The following CHD6 variants were observed in gnomAD, a reference collection of about 807,000 sequenced individuals.
CHD6 encodes the protein ATP-dependent chromatin remodeler CHD6.
CHD6 carries 50 observed loss-of-function variants against 276.9 expected under a neutral mutation model. That is an observed-to-expected ratio of 0.18 (90% CI 0.14 to 0.23). CHD6 has a LOEUF of 0.23. CHD6 is among the 10% of genes least tolerant of loss of function. The pLI, the probability that CHD6 is intolerant of heterozygous loss-of-function variation, is 1.00. For synonymous variants in CHD6, 1,173 were observed against 1,229.3 expected, an observed-to-expected ratio of 0.95 and a Z score of 0.96; for missense variants, 2,564 against 3,365.8, an observed-to-expected ratio of 0.76 and a Z score of 5.89.
chr20:41,573,741 T>A (rs767277372), intron 1 of CHD6, among the ~76,000 whole-genome samples: 4 of 152,146 alleles, frequency 2.6e-5, no homozygotes, highest in African/African-American at 9.7e-5. Flanking sequence ...AGAGACTGTA[T>A]AATATCAATG....
chr20:41,579,437 C>CAAAAAAAAAAAAAAAAAAAA (rs574347177), intron 1 of CHD6, among the ~76,000 whole-genome samples: 1 of 69,974 alleles, frequency 1.4e-5, no homozygotes, highest in African/African-American at 6.2e-5. Flanking sequence ...GACTCTGTCT[C>CAAAAAAAAAAAAAAAAAAAA]AAAAAAAAAA....
intron 1 of CHD6, among the ~76,000 whole-genome samples, chr20:41,571,740 C>G (rs906903300): frequency 2.6e-5 from 4 of 151,846 alleles, no homozygotes; most frequent in Non-Finnish European, 4.4e-5. Context: ...TATATTTCCT[C>G]TATTCTAGAC....
At chr20:41,509,370 C>T (rs1465595269) in intron 5 of CHD6, among the ~76,000 whole-genome samples, 3 of 152,140 alleles carry the variant, frequency 2.0e-5, no homozygotes, top group Admixed American at 2.0e-4. Context: ...CCTACACTAA[C>T]ATAACTCATG....
chr20:41,416,536 G>A, intron 33 of CHD6, 52 bp downstream of exon 33: 1 of 1,514,210 alleles, frequency 6.6e-7, no homozygotes. Context: ...CAGAGACGTG[G>A]AACACGCCCA....
At chr20:41,412,566 A>T (rs1002516392) in intron 35 of CHD6, among the ~76,000 whole-genome samples, 9 of 152,102 alleles carry the variant, frequency 5.9e-5, no homozygotes, top group Non-Finnish European at 2.9e-5. Context: ...TTTCCTCTTG[A>T]TCATTTCCTT....
intron 20 of CHD6, 144 bp downstream of exon 20, chr20:41,454,482 G>A (rs1186728222): frequency 1.2e-5 from 7 of 602,052 alleles, no homozygotes; most frequent in South Asian, 2.3e-5. Flanking sequence ...TGATGTCTAT[G>A]TGCCAGGCAT....
Position 41,421,280 on chromosome 20 carries a change from T to C in CHD6, c.5355A>G (p.Ser1785=). ...KNGKHLLMSI[S]KEGELCCSEA... is the part of the protein sequence containing the mutation. ...CACTGCAGCAGAGCTCCCCTTCCTT[T>C]GAAATAGACATCAACAAATGTTTTC... is the stretch of plus-strand genomic sequence containing the variant. The change falls in exon 31 of 37, where the codon TCA becomes TCG. Residue 1785 remains serine (S), a synonymous_variant. Transcript: ENST00000373233. 1.2e-6 allele frequency: 2 copies of C among 1,614,142 alleles called. No homozygotes were observed. The highest frequency in any genetic ancestry group is 1.7e-6 in the Non-Finnish European group (2 of 1,180,040).
chr20:41,571,112 C>G (rs1005716231), intron 1 of CHD6, among the ~76,000 whole-genome samples: 9 of 152,048 alleles, frequency 5.9e-5, no homozygotes, highest in Non-Finnish European at 8.8e-5. Context: ...GATTCCAAAT[C>G]TCTTAGTGAA....
intron 1 of CHD6, among the ~76,000 whole-genome samples, chr20:41,583,766 A>G (rs140705065): frequency 2.6e-5 from 4 of 152,198 alleles, no homozygotes; most frequent in African/African-American, 9.6e-5. Context: ...AAAACTGGAA[A>G]TATACTGTAT....
At chr20:41,514,169 C>T (rs1416830950) in intron 4 of CHD6, among the ~76,000 whole-genome samples, 1 of 152,198 alleles carries the variant, frequency 6.6e-6, no homozygotes, top group Non-Finnish European at 1.5e-5. Context: ...AGGTATAGTA[C>T]GTCAGTCTTA....
chr20:41,617,929 G>A (rs1020531252), intron 1 of CHD6, among the ~76,000 whole-genome samples: 5 of 146,942 alleles, frequency 3.4e-5, no homozygotes, highest in African/African-American at 4.9e-5. Context: ...GGGCCCGGGG[G>A]TCCCACCGCG....
intron 1 of CHD6, 132 bp from the exon 2 acceptor site, chr20:41,551,492 A>C: frequency 1.8e-6 from 1 of 560,554 alleles, no homozygotes; most frequent in South Asian, 2.1e-5. Flanking sequence ...TATGTCCAAC[A>C]ACCTCCAGAG....
chr20:41,603,626 G>A (rs2045795740), intron 1 of CHD6, among the ~76,000 whole-genome samples: 1 of 152,172 alleles, frequency 6.6e-6, no homozygotes, highest in Admixed American at 6.5e-5. Context: ...AGCACTTTGG[G>A]AGGCCAAGGC....
intron 1 of CHD6, among the ~76,000 whole-genome samples, chr20:41,598,440 C>T (rs547747912): frequency 5.1e-4 from 78 of 152,244 alleles, no homozygotes; most frequent in African/African-American, 7.2e-4. Context: ...ATATTCCGTC[C>T]GCAAACTAAA....
intron 8 of CHD6, among the ~76,000 whole-genome samples, chr20:41,495,966 T>C (rs1344952264): frequency 6.6e-6 from 1 of 152,168 alleles, no homozygotes; most frequent in Admixed American, 6.5e-5. Flanking sequence ...CTCTTACCAT[T>C]GTGCAGTCCG....
intron 17 of CHD6, among the ~76,000 whole-genome samples, chr20:41,469,745 AGG>A (rs2043010827): frequency 3.3e-5 from 5 of 152,236 alleles, no homozygotes; most frequent in Non-Finnish European, 5.9e-5. Flanking sequence ...GGTTTGAGAG[AGG>A]GTGTGGCACT....
At chr20:41,430,854 A>ATTTTTTT (rs61590579) in intron 27 of CHD6, among the ~76,000 whole-genome samples, 1 of 127,606 alleles carries the variant, frequency 7.8e-6, no homozygotes, top group African/African-American at 3.0e-5. Flanking sequence ...CAGAACATGA[A>ATTTTTTT]TTTTTTTTTT....
At chr20:41,559,835 A>G (rs1004710432) in intron 1 of CHD6, among the ~76,000 whole-genome samples, 4 of 151,266 alleles carry the variant, frequency 2.6e-5, no homozygotes, top group Admixed American at 1.3e-4. Context: ...GAACCCCACA[A>G]CTCTTCCAAA....
rs552179079 is a variant in CHD6 at position 41,512,278 on chromosome 20, T to C, written c.852+568A>G. On this transcript the variant is annotated intron_variant, in intron 5 of 36. Coordinates refer to ENST00000373233, the MANE Select transcript of CHD6 (RefSeq NM_032221.5). ...ACAATGCCCGGCCAAGACTTTCACATTTTAATGAGAGACAAGTAAAACAAA... is the reference window on the plus strand; with the variant it reads ...ACAATGCCCGGCCAAGACTTTCACACTTTAATGAGAGACAAGTAAAACAAA... Among the ~76,000 whole-genome samples the C allele has an allele frequency of 1.2e-3, 180 of 152,182 alleles. 2 individuals are homozygous for C. The highest frequency in any genetic ancestry group is 2.1e-3 in the Non-Finnish European group (144 of 68,014).
Sources: allele counts gnomAD v4.1 joint callset (sites outside exome capture counted in the v4.1 genomes callset), GRCh38; gene constraint gnomAD v4.1.1; transcripts MANE v1.5; gene names NCBI Gene and HGNC (gene_info 2026-07-23, HGNC 2026-07-21).